Variants in CBFA2T3 observed in about 807,000 individuals in gnomAD.
The protein encoded by CBFA2T3 is CBFA2/RUNX1 partner transcriptional co-repressor 3.
CBFA2T3 carries 31 observed loss-of-function variants against 58.6 expected under a neutral mutation model. The observed-to-expected ratio is 0.53, with a 90% CI of 0.40 to 0.71. CBFA2T3 has a LOEUF of 0.71. Ranked by LOEUF, CBFA2T3 falls within the 30% of genes least tolerant of loss-of-function variation. The probability of loss-of-function intolerance (pLI) is 0.00; values close to 1 mark genes in which losing one functional copy is unlikely to be tolerated. For synonymous variants in CBFA2T3, 531 were observed against 421.9 expected, an observed-to-expected ratio of 1.26 and a Z score of -3.17; for missense variants, 1,076 against 963.1, an observed-to-expected ratio of 1.12 and a Z score of -1.55.
chr16:88,896,266 G>A (rs371713696), intron 3 of CBFA2T3, among the ~76,000 whole-genome samples: 1 of 152,160 alleles, frequency 6.6e-6, no homozygotes, highest in African/African-American at 2.4e-5. Context: ...CTGGGGCCGC[G>A]AACCTCCACA....
Position 88,953,263 on chromosome 16 carries a change from T to A in CBFA2T3, c.151+23394A>T, listed in dbSNP as rs1972126155. 6.6e-6 allele frequency among the ~76,000 whole-genome samples: 1 copy of A among 152,134 alleles called. No individual in the cohort carries two copies. Among genetic ancestry groups the A allele is most frequent in the Non-Finnish European group, 1.5e-5 (1 of 68,016 alleles). Reference sequence around the variant, plus strand: ...AGGCCGAGGGACCCTCATTTCTACGTTTGCATCCCTTTCTTCCAGGGCCTG... The same window carrying A: ...AGGCCGAGGGACCCTCATTTCTACGATTGCATCCCTTTCTTCCAGGGCCTG... On this transcript the variant is annotated intron_variant, in intron 1 of 11. Transcript: ENST00000268679. The surrounding 1 kb of genome is among the most constrained non-coding windows in gnomAD (Gnocchi z 4.9).
intron 1 of CBFA2T3, among the ~76,000 whole-genome samples, chr16:88,964,335 A>AG (rs1972442986): frequency 6.6e-6 from 1 of 152,152 alleles, no homozygotes; most frequent in African/African-American, 2.4e-5. Context: ...GGTGTAAAAA[A>AG]TCACGTTGAC....
chr16:88,956,173 C>T (rs1122202), intron 1 of CBFA2T3, among the ~76,000 whole-genome samples: 36,783 of 152,324 alleles, frequency 0.24, 5,441 homozygotes, highest in Middle Eastern at 0.44. Context: ...GGAGGGCAGC[C>T]GCCTGGCCCC....
At chr16:88,916,346 G>A (rs1460339875) in intron 1 of CBFA2T3, among the ~76,000 whole-genome samples, 2 of 149,304 alleles carry the variant, frequency 1.3e-5, no homozygotes, top group African/African-American at 4.9e-5. Context: ...GTGTGCATGG[G>A]TGTGTGTCCG....
intron 1 of CBFA2T3, chr16:88,951,649 T>C (rs564318780): frequency 3.5e-4 from 125 of 355,866 alleles, no homozygotes; most frequent in African/African-American, 2.6e-3. Context: ...GGCACAGGGC[T>C]AGCAGGACAG....
At position 88,889,099 on chromosome 16, in the gene CBFA2T3, G is replaced by A. The variant is rs151271909; in HGVS notation, c.711+2783C>T. 3.0e-3 allele frequency among the ~76,000 whole-genome samples: 449 copies of A among 151,862 alleles called. 8 individuals are homozygous for A. The Middle Eastern group carries it at 0.048, about 16-fold the overall frequency. Reference sequence around the variant, plus strand: ...GGGGGCATCTGTTGGTAATAAGCAGGCGCACTGTGTCCCCAAAGACTGGGA... The same window carrying A: ...GGGGGCATCTGTTGGTAATAAGCAGACGCACTGTGTCCCCAAAGACTGGGA... On this transcript the variant is annotated intron_variant, in intron 5 of 11. Transcript: ENST00000268679.
intron 1 of CBFA2T3, among the ~76,000 whole-genome samples, chr16:88,906,768 T>G (rs1320441687): frequency 3.3e-5 from 5 of 152,164 alleles, no homozygotes; most frequent in African/African-American, 4.8e-5. Context: ...GGTGAGTGAC[T>G]TGTTCTGGGT....
At chr16:88,971,520 G>A (rs753866544) in intron 1 of CBFA2T3, among the ~76,000 whole-genome samples, 1 of 151,852 alleles carries the variant, frequency 6.6e-6, no homozygotes, top group African/African-American at 2.4e-5. Flanking sequence ...TGGGGTCCCC[G>A]CTGTGGACCT....
At chr16:88,928,470 CAG>C (rs1971159387) in intron 1 of CBFA2T3, among the ~76,000 whole-genome samples, 1 of 152,246 alleles carries the variant, frequency 6.6e-6, no homozygotes, top group African/African-American at 2.4e-5. Flanking sequence ...AAAGCAGACA[CAG>C]GGGATGTATT....
chr16:88,880,345 T>G (rs1257238804), intron 10 of CBFA2T3, among the ~76,000 whole-genome samples: 3 of 152,152 alleles, frequency 2.0e-5, no homozygotes, highest in Non-Finnish European at 4.4e-5. Flanking sequence ...CCCACAGCCT[T>G]GCCCAGCGCT....
At chr16:88,973,125 C>T (rs1001622491) in intron 1 of CBFA2T3, among the ~76,000 whole-genome samples, 1 of 152,236 alleles carries the variant, frequency 6.6e-6, no homozygotes, top group African/African-American at 2.4e-5. Flanking sequence ...TCCACTCCCC[C>T]TCCCACCGCG....
intron 3 of CBFA2T3, among the ~76,000 whole-genome samples, chr16:88,896,875 C>T (rs1597689805): frequency 6.6e-6 from 1 of 152,160 alleles, no homozygotes; most frequent in South Asian, 2.1e-4. Flanking sequence ...TGCTCGCCCT[C>T]GCCTGCCCGC....
At position 88,894,446 on chromosome 16, in the gene CBFA2T3, A is replaced by G. The variant is rs201797190; in HGVS notation, c.380-1961T>C. Among the ~76,000 whole-genome samples, 39 of 120,304 alleles carry G rather than the reference A, an allele frequency of 3.2e-4. 4 individuals carry two copies. Among genetic ancestry groups the G allele is most frequent in the Non-Finnish European group, 4.8e-4 (29 of 60,160 alleles). 78.9% of individuals were successfully genotyped at this position (120,304 alleles called of 152,430 possible). A position where few individuals can be genotyped will look rare whatever the true frequency, so the allele number is the denominator to read the frequency against. On this transcript the variant is annotated intron_variant, in intron 3 of 11. Transcript: ENST00000268679. The stretch of plus-strand genomic sequence containing the variant: ...ATATACACATGCACACAATGTACAC[A>G]CATGCACGCACACATGCATACATAT...
At chr16:88,965,235 C>T (rs1412166268) in intron 1 of CBFA2T3, among the ~76,000 whole-genome samples, 2 of 152,086 alleles carry the variant, frequency 1.3e-5, no homozygotes, top group Non-Finnish European at 2.9e-5. Context: ...AAACATCAGT[C>T]TGGGCAGATT....
Position 88,876,837 on chromosome 16 carries a change from A to T in CBFA2T3, c.*139T>A. ...GAGAGGGGCAGTAGCAGCAGTGACT[A>T]ATTGGTCGGCTCCCCCAGGTCAGGC... On this transcript the variant is annotated 3_prime_UTR_variant, in exon 12 of 12. Coordinates refer to ENST00000268679, the MANE Select transcript of CBFA2T3 (RefSeq NM_005187.6). 1 of 609,796 alleles carries T rather than the reference A, an allele frequency of 1.6e-6. No homozygotes were observed. Among genetic ancestry groups the T allele is most frequent in the African/African-American group, 2.0e-5 (1 of 50,948 alleles). 37.8% of individuals were successfully genotyped at this position (609,796 alleles called of 1,614,324 possible).
chr16:88,895,417 C>A (rs1386540001), intron 3 of CBFA2T3, among the ~76,000 whole-genome samples: 2 of 152,246 alleles, frequency 1.3e-5, no homozygotes, highest in African/African-American at 2.4e-5. Context: ...GGGCTCTACA[C>A]CTGCACACAG....
chr16:88,960,166 C>T (rs1402884082), intron 1 of CBFA2T3, among the ~76,000 whole-genome samples: 1 of 152,180 alleles, frequency 6.6e-6, no homozygotes, highest in Non-Finnish European at 1.5e-5. Flanking sequence ...TTTGTCTGCC[C>T]TCCCAGGACA....
At chr16:88,962,859 A>G (rs11862605) in intron 1 of CBFA2T3, among the ~76,000 whole-genome samples, 59,123 of 152,086 alleles carry the variant, frequency 0.39, 12,069 homozygotes, top group Middle Eastern at 0.6. Context: ...GAGCACCGAC[A>G]TGAATTCCCA....
intron 1 of CBFA2T3, among the ~76,000 whole-genome samples, chr16:88,931,515 T>C (rs1029646864): frequency 8.0e-5 from 12 of 149,888 alleles, no homozygotes; most frequent in Admixed American, 2.6e-4. Context: ...GAGCCAGAGG[T>C]GGAGAAGGGC....
Sources: allele counts gnomAD v4.1 joint callset (sites outside exome capture counted in the v4.1 genomes callset), GRCh38; gene constraint gnomAD v4.1.1; non-coding constraint Gnocchi (gnomAD v3.1); transcripts MANE v1.5; gene names NCBI Gene and HGNC (gene_info 2026-07-23, HGNC 2026-07-21).